The following RTN4 variants were observed in gnomAD, a reference collection of about 807,000 sequenced individuals.
The protein encoded by RTN4 is reticulon 4, also known as reticulon-4.
Under a neutral mutation model 90.4 loss-of-function variants are expected in RTN4, and 32 were observed. That is an observed-to-expected ratio of 0.35 (90% CI 0.27 to 0.48). The LOEUF (loss-of-function observed/expected upper bound fraction) is 0.48. Ranked by LOEUF, RTN4 falls within the 20% of genes least tolerant of loss-of-function variation. The probability of loss-of-function intolerance (pLI) is 0.99; values close to 1 mark genes in which losing one functional copy is unlikely to be tolerated. For missense variants in RTN4, 1,706 were observed against 1,430.2 expected (o/e 1.19, Z -3.11); for synonymous variants, 629 against 552.5 (o/e 1.14, Z -1.94).
chr2:55,079,517 T>C (rs1668665522), intron 2 of RTN4, among the ~76,000 whole-genome samples: 1 of 152,210 alleles, frequency 6.6e-6, no homozygotes, highest in Admixed American at 6.5e-5. Context: ...AGCTTCAGCT[T>C]ATGGTCAGCA....
intron 2 of RTN4, among the ~76,000 whole-genome samples, chr2:55,071,542 T>TTA (rs1668513193): frequency 9.1e-5 from 1 of 11,006 alleles, no homozygotes; most frequent in Non-Finnish European, 2.6e-4. Context: ...CCATTTGCCA[T>TTA]CAAAAAAAAA....
chr2:55,025,219 A>G lies in RTN4; in HGVS notation c.2880T>C (p.Thr960=), dbSNP rs763540453. ...LLPPDVSALA[T]QAEIESIVKP... is the part of the protein sequence containing the mutation. ...TAACTATGCTCTCTATCTCTGCTTG[A>G]GTGGCCAAAGCAGAAACATCTGGAG... The change falls in exon 3 of 9, where the codon ACT becomes ACC. Residue 960 remains threonine (T), a synonymous_variant. Transcript: ENST00000337526. 6.8e-6 allele frequency: 11 copies of G among 1,613,736 alleles called. No homozygotes were observed. The East Asian group carries it at 2.2e-4, about 33-fold the overall frequency.
intron 3 of RTN4, among the ~76,000 whole-genome samples, chr2:55,013,802 G>T (rs900898904): frequency 6.6e-6 from 1 of 152,052 alleles, no homozygotes; most frequent in Non-Finnish European, 1.5e-5. Flanking sequence ...AAAAACTCAG[G>T]TTTTTGTTTT....
At position 55,065,364 on chromosome 2, in the gene RTN4, TCTATGAAGGGCTGC is replaced by T. The variant is rs1668371339; in HGVS notation, c.-63+15111_-63+15124del. On this transcript the variant is annotated intron_variant, in intron 2 of 3. Transcript: ENST00000427710. ...AGTGTGATGAATGTGTTATACTACC[TCTATGAAGGGCTGC>T]CTTTGTAGGCATATTAACACATTTA... is the stretch of plus-strand genomic sequence containing the variant. 9.2e-5 allele frequency among the ~76,000 whole-genome samples: 14 copies of T among 152,326 alleles called. No homozygotes were observed. The South Asian group carries it at 2.9e-3, about 32-fold the overall frequency.
Position 54,987,711 on chromosome 2 carries a change from A to T in RTN4, c.3014-13T>A. 6.3e-7 allele frequency: 1 copy of T among 1,590,174 alleles called. No individual in the cohort carries two copies. The highest frequency in any genetic ancestry group is 8.6e-7 in the Non-Finnish European group (1 of 1,163,056). On this transcript the variant is annotated splice_polypyrimidine_tract_variant and intron_variant, in intron 3 of 8. Coordinates refer to ENST00000337526, the MANE Select transcript of RTN4 (RefSeq NM_020532.5). ...AGGAGGTCAACAACTAAAAATTGAAAAAGAAATCTGAAATTAGAATGTTAT... is the reference window on the plus strand; with the variant it reads ...AGGAGGTCAACAACTAAAAATTGAATAAGAAATCTGAAATTAGAATGTTAT...
rs1408786391 is a variant in RTN4 at position 55,025,801 on chromosome 2, A to T, written c.2298T>A (p.Leu766=). 1 of 1,613,592 alleles carries T rather than the reference A, an allele frequency of 6.2e-7. No homozygotes were observed. The highest frequency in any genetic ancestry group is 1.7e-5 in the Admixed American group (1 of 59,908). ...VPQKQDETVM[L]VKESLTETSF... is the part of the protein sequence containing the mutation. ...AAGTCTCAGTGAGACTTTCTTTCAC[A>T]AGCATCACAGTTTCATCTTGTTTTT... The change falls in exon 3 of 9, where the codon CTT becomes CTA. Residue 766 remains leucine (L), a synonymous_variant. Coordinates refer to ENST00000337526, the MANE Select transcript of RTN4 (RefSeq NM_020532.5).
At chr2:55,123,455 A>G in the RTN4 span, among the ~76,000 whole-genome samples, 1 of 152,156 alleles carries the variant, frequency 6.6e-6, no homozygotes, top group Non-Finnish European at 1.5e-5. Context: ...CAGCAGAAAG[A>G]TTATTCTCAA....
At chr2:55,100,269 G>A (rs2105055167) in intron 1 of RTN4, among the ~76,000 whole-genome samples, 1 of 152,186 alleles carries the variant, frequency 6.6e-6, no homozygotes, top group African/African-American at 2.4e-5. Flanking sequence ...TGGGGGCTTG[G>A]ACAAGCCACA....
intron 1 of RTN4, among the ~76,000 whole-genome samples, chr2:55,029,183 T>A (rs1438635189): frequency 6.6e-6 from 1 of 152,122 alleles, no homozygotes; most frequent in Admixed American, 6.6e-5. Flanking sequence ...GAGATGGTGG[T>A]CACCTATAAG....
chr2:55,126,243 C>G, the RTN4 span, among the ~76,000 whole-genome samples: 3 of 151,980 alleles, frequency 2.0e-5, no homozygotes, highest in African/African-American at 7.3e-5. Context: ...GTGGCGCATG[C>G]CTGTAATCTC....
rs866092812 is a variant in RTN4, at chr2:55,013,614, G to T, written c.3013+11472C>A. On this transcript the variant is annotated intron_variant, in intron 3 of 8. Coordinates refer to ENST00000337526, the MANE Select transcript of RTN4 (RefSeq NM_020532.5). ...TTTTTGGTGGGTTTTTTTTTGGGGG[G>T]GGGGGAGGGTGTAGGGGGGGTGGTA... is the stretch of plus-strand genomic sequence containing the variant. 1.6e-4 allele frequency among the ~76,000 whole-genome samples: 20 copies of T among 124,924 alleles called. No homozygotes were observed. In the East Asian group the frequency reaches 3.1e-3, roughly 19 times the overall value. 82.0% of individuals were successfully genotyped at this position (124,924 alleles called of 152,430 possible).
At position 55,025,516 on chromosome 2, in the gene RTN4, A is replaced by G. The variant is rs200776112; in HGVS notation, c.2583T>C (p.Asp861=). ...CATCTATAATTTCAATTGGAGATGA[A>G]TCTGAAAACGTTTCAGTTTCTCTTA... ...AQIRETETFS[D]SSPIEIIDEF... The change falls in exon 3 of 9, where the codon GAT becomes GAC. Residue 861 remains aspartate (D), a synonymous_variant. Transcript: ENST00000337526. 9.9e-5 allele frequency: 160 copies of G among 1,613,646 alleles called. 1 individual carries two copies. The South Asian group carries it at 1.0e-3, about 11-fold the overall frequency.
chr2:54,973,908 G>C (rs768782025), intron 6 of RTN4, 41 bp from the exon 7 acceptor site: 4 of 1,545,350 alleles, frequency 2.6e-6, no homozygotes, highest in Admixed American at 1.7e-5. Context: ...AGAACGGAAT[G>C]ATTTGGGAGG....
At chr2:54,982,435 TAGA>T in intron 5 of RTN4, 77 bp downstream of exon 5, 1 of 1,235,560 alleles carries the variant, frequency 8.1e-7, no homozygotes, top group South Asian at 1.5e-5. Context: ...TACTTGAATA[TAGA>T]AGAACAGAAT....
intron 2 of RTN4, among the ~76,000 whole-genome samples, chr2:55,072,070 C>T (rs1486294199): frequency 6.6e-6 from 1 of 152,058 alleles, no homozygotes; most frequent in Non-Finnish European, 1.5e-5. Context: ...TATCCCAAAT[C>T]ATTAAGATGT....
intron 4 of RTN4, among the ~76,000 whole-genome samples, chr2:54,987,269 G>C (rs1426618484): frequency 6.6e-6 from 1 of 152,206 alleles, no homozygotes; most frequent in African/African-American, 2.4e-5. Context: ...AAGTAGCAGA[G>C]TTAGTTTAAT....
chr2:55,094,400 T>G (rs189544516), intron 1 of RTN4, among the ~76,000 whole-genome samples: 10 of 152,116 alleles, frequency 6.6e-5, no homozygotes, highest in African/African-American at 2.4e-4. Flanking sequence ...ACAAAGAGAG[T>G]GTTTTACATG....
intron 1 of RTN4, among the ~76,000 whole-genome samples, chr2:55,085,230 C>G (rs1290367426): frequency 1.3e-5 from 2 of 152,094 alleles, no homozygotes; most frequent in Non-Finnish European, 2.9e-5. Flanking sequence ...ACACACACAT[C>G]CTATTGGTTC....
At chr2:55,079,240 T>A (rs532836633) in intron 2 of RTN4, among the ~76,000 whole-genome samples, 1 of 152,322 alleles carries the variant, frequency 6.6e-6, no homozygotes, top group East Asian at 1.9e-4. Flanking sequence ...AATCTCAGTC[T>A]TTATGGAAGC....
Sources: allele counts gnomAD v4.1 joint callset (sites outside exome capture counted in the v4.1 genomes callset), GRCh38; gene constraint gnomAD v4.1.1; transcripts MANE v1.5; gene names NCBI Gene and HGNC (gene_info 2026-07-23, HGNC 2026-07-21).